The following TENT5D variants were observed in gnomAD, a reference collection of about 807,000 sequenced individuals.
TENT5D encodes cancer/testis antigen 112.
For missense variants in TENT5D, 191 were observed against 287.0 expected (o/e 0.67, Z 2.42); for synonymous variants, 103 against 100.6 (o/e 1.02, Z -0.15).
chrX:80,382,533 G>A (rs1269440507), intron 3 of TENT5D, among the ~76,000 whole-genome samples: 1 of 112,057 alleles, frequency 8.9e-6, no homozygotes, highest in Non-Finnish European at 1.9e-5. Context: ...AGACAGGTAC[G>A]TTTAAGTCTG....
chrX:80,385,726 GAAA>G (rs1428403025), intron 3 of TENT5D, among the ~76,000 whole-genome samples: 1 of 111,534 alleles, frequency 9.0e-6, no homozygotes, highest in Non-Finnish European at 1.9e-5. Context: ...AAATGTACAA[GAAA>G]AAAACAAACA....
chrX:80,361,214 A>G (rs2147521766), intron 3 of TENT5D, among the ~76,000 whole-genome samples: 1 of 112,178 alleles, frequency 8.9e-6, no homozygotes, highest in Non-Finnish European at 1.9e-5. Flanking sequence ...ATGGCCAGCA[A>G]CGTTTCAGTA....
chrX:80,399,331 A>T (rs1294101059), intron 3 of TENT5D, among the ~76,000 whole-genome samples: 1 of 111,938 alleles, frequency 8.9e-6, no homozygotes. Context: ...TTGCATGTGG[A>T]TATTGGTTTT....
upstream of TENT5D, among the ~76,000 whole-genome samples, chrX:80,416,388 G>A (rs767503369): frequency 3.1e-5 from 3 of 96,555 alleles, no homozygotes; most frequent in African/African-American, 1.1e-4. Context: ...ATGTTAGTTG[G>A]TTTTTTTTTT....
chrX:80,388,779 C>G (rs1931070524), intron 3 of TENT5D, among the ~76,000 whole-genome samples: 1 of 111,819 alleles, frequency 8.9e-6, no homozygotes, highest in Non-Finnish European at 1.9e-5. Context: ...ACCCCCAAAT[C>G]CACTGGCTCT....
intron 3 of TENT5D, among the ~76,000 whole-genome samples, chrX:80,394,819 GGAT>G (rs1357883456): frequency 8.9e-6 from 1 of 111,825 alleles, no homozygotes; most frequent in African/African-American, 3.2e-5. Flanking sequence ...GACCACATCA[GGAT>G]GATTAGTGTA....
At chrX:80,371,127 C>G (rs1311672389) in intron 3 of TENT5D, among the ~76,000 whole-genome samples, 2 of 111,766 alleles carry the variant, frequency 1.8e-5, no homozygotes, top group Non-Finnish European at 3.8e-5. Context: ...CTAAGAGAGA[C>G]TTTCTCAAAG....
chrX:80,386,461 C>T (rs984110120), intron 3 of TENT5D, among the ~76,000 whole-genome samples: 4 of 110,113 alleles, frequency 3.6e-5, no homozygotes, highest in African/African-American at 1.0e-4. Context: ...ATGTAAATAC[C>T]GAGTTAATGG....
chrX:80,415,271 G>A (rs772023974), intron 3 of TENT5D, among the ~76,000 whole-genome samples: 1 of 111,219 alleles, frequency 9.0e-6, no homozygotes, highest in African/African-American at 3.3e-5. Context: ...TTCCTATTTG[G>A]ATACCCTTTA....
intron 3 of TENT5D, among the ~76,000 whole-genome samples, chrX:80,361,750 T>C (rs757646064): frequency 2.7e-5 from 3 of 112,318 alleles, no homozygotes; most frequent in Non-Finnish European, 5.6e-5. Context: ...CCACCTAATA[T>C]AGACACAGTT....
intron 3 of TENT5D, among the ~76,000 whole-genome samples, chrX:80,385,365 C>G (rs1460644995): frequency 1.0e-4 from 11 of 110,175 alleles, no homozygotes; most frequent in Non-Finnish European, 1.5e-4. Flanking sequence ...AACTGGCTAG[C>G]CATATATAGA....
chrX:80,358,019 C>G (rs1930324602), intron 3 of TENT5D, among the ~76,000 whole-genome samples: 1 of 111,361 alleles, frequency 9.0e-6, no homozygotes, highest in Admixed American at 9.6e-5. Context: ...CACATATCTT[C>G]AACTATCTGA....
chrX:80,352,399 C>T (rs535100396), intron 3 of TENT5D, among the ~76,000 whole-genome samples: 5 of 111,379 alleles, frequency 4.5e-5, no homozygotes, highest in African/African-American at 1.6e-4. Context: ...TGGCCATAGC[C>T]GCTTTGCCAC....
intron 1 of TENT5D, among the ~76,000 whole-genome samples, chrX:80,423,707 G>GA (rs1298544743): frequency 6.4e-4 from 62 of 96,554 alleles, no homozygotes; most frequent in East Asian, 3.2e-3. Flanking sequence ...GTTTAGAAAA[G>GA]AAAAAAAAAA....
chrX:80,439,866 A>T (rs1330990522), intron 2 of TENT5D, among the ~76,000 whole-genome samples: 3 of 110,800 alleles, frequency 2.7e-5, no homozygotes, highest in Non-Finnish European at 5.7e-5. Context: ...AAAATTTGTA[A>T]TTTTCATTTT....
intron 3 of TENT5D, among the ~76,000 whole-genome samples, chrX:80,401,537 G>A (rs1931389566): frequency 9.0e-6 from 1 of 111,569 alleles, no homozygotes; most frequent in African/African-American, 3.3e-5. Flanking sequence ...TATAATGTTA[G>A]CAGTGGGCCT....
At chrX:80,438,760 T>G (rs1932229350) in intron 2 of TENT5D, 28 bp downstream of exon 2, 1 of 110,789 alleles carries the variant, frequency 9.0e-6, no homozygotes, top group Non-Finnish European at 1.9e-5. Context: ...TCTCACTGTC[T>G]TTGAAAATAT....
intron 3 of TENT5D, among the ~76,000 whole-genome samples, chrX:80,407,178 AG>A (rs1931518188): frequency 9.1e-6 from 1 of 109,539 alleles, no homozygotes; most frequent in Admixed American, 9.8e-5. Flanking sequence ...GAGACTAGGA[AG>A]AAACTGCATC....
chrX:80,371,444 T>C (rs894776229), intron 3 of TENT5D, among the ~76,000 whole-genome samples: 2 of 112,008 alleles, frequency 1.8e-5, no homozygotes, highest in African/African-American at 6.5e-5. Context: ...CTTTGAAGCT[T>C]TGAAGCTAGG....
Sources: allele counts gnomAD v4.1 joint callset (sites outside exome capture counted in the v4.1 genomes callset), GRCh38; gene constraint gnomAD v4.1.1; transcripts MANE v1.5; gene names NCBI Gene and HGNC (gene_info 2026-07-23, HGNC 2026-07-21).